REDIC1: variants seen among roughly 807,000 people sequenced by gnomAD.
REDIC1 encodes the protein regulator of DNA class I crossover intermediates 1.
chr12:39,852,275 G>A, the REDIC1 span, among the ~76,000 whole-genome samples: 2 of 152,206 alleles, frequency 1.3e-5, no homozygotes, highest in Non-Finnish European at 2.9e-5. Flanking sequence ...TCTGAGAAAT[G>A]CTGGTCAGAT....
chr12:39,643,565 A>G, the REDIC1 span, among the ~76,000 whole-genome samples: 3 of 151,644 alleles, frequency 2.0e-5, no homozygotes, highest in African/African-American at 7.3e-5. Context: ...TTTAAAGGTT[A>G]TGCTTAAGGA....
chr12:39,737,733 T>C, the REDIC1 span, among the ~76,000 whole-genome samples: 1 of 152,224 alleles, frequency 6.6e-6, no homozygotes, highest in African/African-American at 2.4e-5. Context: ...TAATGACTGA[T>C]TTTTACCTGG....
chr12:39,697,209 A>G, the REDIC1 span, among the ~76,000 whole-genome samples: 1 of 152,244 alleles, frequency 6.6e-6, no homozygotes, highest in Non-Finnish European at 1.5e-5. Flanking sequence ...GAGTGGCATG[A>G]CATATTTAAA....
At chr12:39,777,693 G>A in the REDIC1 span, among the ~76,000 whole-genome samples, 3 of 152,192 alleles carry the variant, frequency 2.0e-5, no homozygotes, top group Non-Finnish European at 4.4e-5. Context: ...GGCACACACA[G>A]GTGGCTGGCC....
chr12:39,825,607 T>C, the REDIC1 span, among the ~76,000 whole-genome samples: 4 of 152,334 alleles, frequency 2.6e-5, no homozygotes, highest in South Asian at 8.3e-4. Flanking sequence ...TCAAATGCAC[T>C]GGAGAACACG....
At chr12:39,760,139 T>C in the REDIC1 span, 5 of 1,612,960 alleles carry the variant, frequency 3.1e-6, no homozygotes, top group African/African-American at 2.7e-5. Flanking sequence ...GTACATAGCC[T>C]GTTGTCAAAG....
chr12:39,752,773 CTGAG>C, the REDIC1 span, among the ~76,000 whole-genome samples: 72 of 152,278 alleles, frequency 4.7e-4, no homozygotes, highest in African/African-American at 1.5e-3. Flanking sequence ...TTACAAATCC[CTGAG>C]TAACTTGCAT....
the REDIC1 span, among the ~76,000 whole-genome samples, chr12:39,834,620 G>A: frequency 3.9e-5 from 6 of 152,004 alleles, no homozygotes; most frequent in Non-Finnish European, 7.4e-5. Flanking sequence ...AGGAGGTCAA[G>A]TATCAAAAAG....
the REDIC1 span, among the ~76,000 whole-genome samples, chr12:39,896,161 T>C: frequency 5.4e-5 from 8 of 149,136 alleles, no homozygotes; most frequent in Admixed American, 2.7e-4. Context: ...TATACACGTG[T>C]ATACATATAT....
At chr12:39,883,289 A>G in the REDIC1 span, among the ~76,000 whole-genome samples, 2 of 152,142 alleles carry the variant, frequency 1.3e-5, no homozygotes, top group Non-Finnish European at 2.9e-5. Context: ...AATACGCCTC[A>G]CCACCATCAC....
At chr12:39,776,852 T>C in the REDIC1 span, among the ~76,000 whole-genome samples, 7 of 152,328 alleles carry the variant, frequency 4.6e-5, no homozygotes, top group Admixed American at 2.6e-4. Context: ...GATGGCTAGG[T>C]TCTAAGACAG....
chr12:39,906,515 A>C, the REDIC1 span, among the ~76,000 whole-genome samples: 1 of 152,160 alleles, frequency 6.6e-6, no homozygotes. Context: ...AACTTGAAAA[A>C]AACAGTTTCA....
the REDIC1 span, among the ~76,000 whole-genome samples, chr12:39,845,698 C>T: frequency 1.3e-5 from 2 of 152,082 alleles, no homozygotes; most frequent in African/African-American, 4.8e-5. Flanking sequence ...GCATCATGTC[C>T]TCTGATGCCA....
chr12:39,636,390 A>G, the REDIC1 span, among the ~76,000 whole-genome samples: 1 of 152,100 alleles, frequency 6.6e-6, no homozygotes, highest in Non-Finnish European at 1.5e-5. Context: ...CTTAAAAGCC[A>G]TAACATTCTA....
the REDIC1 span, among the ~76,000 whole-genome samples, chr12:39,711,942 C>T: frequency 7.5e-5 from 9 of 120,566 alleles, no homozygotes. Flanking sequence ...TGTATATAGA[C>T]ATGTATACAT....
chr12:39,765,674 C>T, the REDIC1 span, among the ~76,000 whole-genome samples: 1 of 152,048 alleles, frequency 6.6e-6, no homozygotes, highest in African/African-American at 2.4e-5. Context: ...AGTCTACCTC[C>T]TCTCATCCCC....
At chr12:39,645,661 TG>T in the REDIC1 span, among the ~76,000 whole-genome samples, 3 of 152,094 alleles carry the variant, frequency 2.0e-5, no homozygotes, top group Non-Finnish European at 2.9e-5. Flanking sequence ...AATCTCACAG[TG>T]AAAAAATTTT....
chr12:39,842,805 A>T, the REDIC1 span, among the ~76,000 whole-genome samples: 1 of 151,924 alleles, frequency 6.6e-6, no homozygotes, highest in Non-Finnish European at 1.5e-5. Flanking sequence ...GGCAACCACG[A>T]ATCTACTCTT....
At chr12:39,830,053 C>G in the REDIC1 span, 2 of 1,610,088 alleles carry the variant, frequency 1.2e-6, no homozygotes, top group South Asian at 1.1e-5. Context: ...AAACATAAGC[C>G]TCGTTTTGAA....
Sources: gnomAD v4.1 joint callset for allele counts (sites outside exome capture counted in the v4.1 genomes callset) on GRCh38, gnomAD v4.1.1 for gene constraint, MANE v1.5 for transcripts, NCBI Gene and HGNC (gene_info 2026-07-23, HGNC 2026-07-21) for gene names.